MCEE: variants seen among roughly 807,000 people sequenced by gnomAD.
MCEE encodes methylmalonyl-CoA epimerase, mitochondrial.
A neutral mutation model predicts 12.9 loss-of-function variants in MCEE; 6 were observed. The observed-to-expected ratio is 0.47, with a 90% CI of 0.26 to 0.92. The LOEUF (loss-of-function observed/expected upper bound fraction) is 0.92, where lower values mean the gene tolerates loss of function less well. Ranked by LOEUF, MCEE falls within the 40% of genes least tolerant of loss-of-function variation. MCEE has a pLI of 0.16. For synonymous variants in MCEE, 78 were observed against 77.9 expected (o/e 1.00, Z -0.01); for missense variants, 214 against 212.1 (o/e 1.01, Z -0.05).
chr2:71,114,001 G>A (rs764455027), intron 2 of MCEE, among the ~76,000 whole-genome samples: 3 of 151,934 alleles, frequency 2.0e-5, no homozygotes, highest in Non-Finnish European at 2.9e-5. Context: ...CTCAACTGAG[G>A]GACAGTTTAC....
At chr2:71,117,652 A>T (rs983585298) in intron 2 of MCEE, 2 of 150,422 alleles carry the variant, frequency 1.3e-5, no homozygotes, top group African/African-American at 5.0e-5. Context: ...CTCAGAAAAT[A>T]AAACTGCTAT....
chr2:71,123,314 A>T (rs1482020881), intron 2 of MCEE, among the ~76,000 whole-genome samples: 1 of 152,182 alleles, frequency 6.6e-6, no homozygotes, highest in Non-Finnish European at 1.5e-5. Flanking sequence ...CAACATGGTG[A>T]AACCTCATCT....
At chr2:71,117,108 C>T (rs1673010019) in intron 2 of MCEE, among the ~76,000 whole-genome samples, 1 of 150,544 alleles carries the variant, frequency 6.6e-6, no homozygotes, top group Non-Finnish European at 1.5e-5. Flanking sequence ...TGACTTCAAT[C>T]CTCAAATTGG....
At chr2:71,125,320 T>C (rs1340204941) in intron 1 of MCEE, among the ~76,000 whole-genome samples, 5 of 149,084 alleles carry the variant, frequency 3.4e-5, no homozygotes, top group African/African-American at 9.8e-5. Flanking sequence ...GCGATTCTCC[T>C]GCCTCAGCCT....
At chr2:71,129,869 C>A (rs1045792419) in intron 1 of MCEE, 19 of 514,556 alleles carry the variant, frequency 3.7e-5, no homozygotes, top group African/African-American at 3.7e-4. Context: ...CTATTTACTT[C>A]TGTCCCTGCC....
At chr2:71,115,410 A>AGTCTTGCTCTG (rs1558744013) in intron 2 of MCEE, among the ~76,000 whole-genome samples, 3 of 140,660 alleles carry the variant, frequency 2.1e-5, no homozygotes, top group African/African-American at 9.6e-5. Flanking sequence ...TCTAAATGAC[A>AGTCTTGCTCTG]TTGCACTAGC....
At position 71,110,104 on chromosome 2, in the gene MCEE, C is replaced by A. The variant is rs761916031; in HGVS notation, c.397G>T (p.Ala133Ser). The change falls in exon 3 of 3, where the codon GCT (alanine) becomes TCT (serine). Residue 133 changes from alanine (A) to serine (S), a missense_variant. Physicochemically the swap from Ala to Ser is moderately conservative, Grantham distance 99. Transcript: ENST00000244217. ...TTCTTTTTTTTCAAATCCATCACAG[C>A]TGCATTAATATTATCCACCTTAAGA... ...ICIEVDNINA[A>S]VMDLKKKKIR... 2 of 1,612,992 alleles carry A rather than the reference C, an allele frequency of 1.2e-6. No homozygotes were observed. The highest frequency in any genetic ancestry group is 1.7e-6 in the Non-Finnish European group (2 of 1,179,210).
chr2:71,126,761 T>C (rs570649692), intron 1 of MCEE, among the ~76,000 whole-genome samples: 1 of 152,312 alleles, frequency 6.6e-6, no homozygotes, highest in South Asian at 2.1e-4. Context: ...TCCTTTGACT[T>C]GTAGAAACTT....
At chr2:71,115,440 A>G (rs1398554443) in intron 2 of MCEE, among the ~76,000 whole-genome samples, 1 of 151,170 alleles carries the variant, frequency 6.6e-6, no homozygotes, top group African/African-American at 2.5e-5. Context: ...TACTTCTGTT[A>G]CTATTTCTAT....
At chr2:71,113,117 A>G (rs563274410) in intron 2 of MCEE, among the ~76,000 whole-genome samples, 3 of 152,208 alleles carry the variant, frequency 2.0e-5, no homozygotes, top group Non-Finnish European at 4.4e-5. Flanking sequence ...AACGAAGTAG[A>G]TGGATGGCTG....
chr2:71,110,859 C>G (rs935274614), intron 2 of MCEE: 3 of 151,952 alleles, frequency 2.0e-5, no homozygotes, highest in African/African-American at 7.3e-5. Flanking sequence ...GACTGGGAAC[C>G]TAAGAAATGG....
At chr2:71,110,863 G>C (rs1672872445) in intron 2 of MCEE, 1 of 152,044 alleles carries the variant, frequency 6.6e-6, no homozygotes, top group Non-Finnish European at 1.5e-5. Context: ...GGGAACCTAA[G>C]AAATGGATGA....
intron 1 of MCEE, among the ~76,000 whole-genome samples, chr2:71,125,211 A>ATATATATATAT: frequency 1.0e-4 from 5 of 48,594 alleles, no homozygotes; most frequent in African/African-American, 3.0e-4. Flanking sequence ...ATATATATAT[A>ATATATATATAT]TTTTTTTTTT....
At chr2:71,112,433 CTTTT>C (rs71400979) in intron 2 of MCEE, among the ~76,000 whole-genome samples, 1 of 81,196 alleles carries the variant, frequency 1.2e-5, no homozygotes, top group Non-Finnish European at 2.2e-5. Context: ...CTGCACCTGC[CTTTT>C]TTTTTTTTTT....
chr2:71,122,203 A>G (rs1317019103), intron 2 of MCEE, among the ~76,000 whole-genome samples: 1 of 152,118 alleles, frequency 6.6e-6, no homozygotes, highest in Non-Finnish European at 1.5e-5. Context: ...ACGGCTCACT[A>G]CAACCTCCAC....
At chr2:71,119,924 CT>C (rs1673065024) in intron 2 of MCEE, among the ~76,000 whole-genome samples, 1 of 149,406 alleles carries the variant, frequency 6.7e-6, no homozygotes, top group South Asian at 2.1e-4. Flanking sequence ...TGATGGTGTG[CT>C]GCCTGTAGCC....
At chr2:71,127,540 G>C (rs1191425235) in intron 1 of MCEE, among the ~76,000 whole-genome samples, 2 of 152,202 alleles carry the variant, frequency 1.3e-5, no homozygotes, top group South Asian at 4.1e-4. Context: ...ATACCATAAA[G>C]TTCACCCATT....
intron 1 of MCEE, among the ~76,000 whole-genome samples, chr2:71,127,787 C>T (rs181617201): frequency 3.3e-5 from 5 of 152,178 alleles, no homozygotes; most frequent in East Asian, 1.9e-4. Flanking sequence ...CCACCACGCC[C>T]GGTTAATTTT....
At chr2:71,117,216 T>A (rs1434355691) in intron 2 of MCEE, among the ~76,000 whole-genome samples, 1 of 150,542 alleles carries the variant, frequency 6.6e-6, no homozygotes, top group Admixed American at 6.6e-5. Flanking sequence ...GAGTGAATTA[T>A]GCAAGCCTAA....
Sources: gnomAD v4.1 joint callset for allele counts (sites outside exome capture counted in the v4.1 genomes callset) on GRCh38, gnomAD v4.1.1 for gene constraint, MANE v1.5 for transcripts, NCBI Gene and HGNC (gene_info 2026-07-23, HGNC 2026-07-21) for gene names.